The following ALDH5A1 variants were observed in gnomAD, a reference collection of about 807,000 sequenced individuals.
The protein encoded by ALDH5A1 is aldehyde dehydrogenase 5 family member A1.
In ALDH5A1, 33 loss-of-function variants were observed where a neutral mutation model predicts 54.7. That is an observed-to-expected ratio of 0.60 (90% CI 0.46 to 0.81). ALDH5A1 has a LOEUF of 0.81. Ranked by LOEUF, ALDH5A1 falls within the 30% of genes least tolerant of loss-of-function variation. ALDH5A1 has a pLI of 0.00. For missense variants in ALDH5A1, 657 were observed against 711.0 expected, an observed-to-expected ratio of 0.92 and a Z score of 0.86; for synonymous variants, 294 against 292.7, an observed-to-expected ratio of 1.00 and a Z score of -0.05.
chr6:24,503,244 C>T lies in ALDH5A1; in HGVS notation c.439-19C>T. 1 of 1,612,520 alleles carries T rather than the reference C, an allele frequency of 6.2e-7. No individual in the cohort carries two copies. Among genetic ancestry groups the T allele is most frequent in the African/African-American group, 1.3e-5 (1 of 75,048 alleles). On this transcript the variant is annotated intron_variant, in intron 2 of 9. Coordinates refer to ENST00000357578, the MANE Select transcript of ALDH5A1 (RefSeq NM_001080.3). ...ATTATTAGAAGGTAATACGTGGGTT[C>T]TTTTCTGATTTAATTTAGGGAAAGC...
At chr6:24,522,534 T>G in intron 6 of ALDH5A1, 1 of 427,650 alleles carries the variant, frequency 2.3e-6, no homozygotes, top group Non-Finnish European at 4.4e-6. Context: ...TAATCACTGA[T>G]GCATAGCAGC....
At chr6:24,529,907 A>C (rs1759896169) in intron 8 of ALDH5A1, among the ~76,000 whole-genome samples, 2 of 152,044 alleles carry the variant, frequency 1.3e-5, no homozygotes, top group African/African-American at 4.8e-5. Flanking sequence ...CCTGACCTCA[A>C]GTGATCCACC....
intron 4 of ALDH5A1, among the ~76,000 whole-genome samples, chr6:24,510,198 TA>T (rs1173480442): frequency 2.0e-5 from 3 of 152,176 alleles, no homozygotes; most frequent in African/African-American, 7.2e-5. Flanking sequence ...TTCTTAAATT[TA>T]TTGAGGCTCA....
intron 1 of ALDH5A1, among the ~76,000 whole-genome samples, chr6:24,499,080 G>A (rs1223680575): frequency 3.4e-5 from 5 of 146,808 alleles, no homozygotes; most frequent in Non-Finnish European, 7.5e-5. Context: ...CCAGCCTGGT[G>A]GACAGAGCAA....
intron 1 of ALDH5A1, among the ~76,000 whole-genome samples, 192 bp from the exon 2 acceptor site, chr6:24,502,331 T>A (rs993991069): frequency 3.3e-5 from 5 of 152,138 alleles, no homozygotes; most frequent in African/African-American, 9.7e-5. Context: ...CCGAAAACAC[T>A]CACGGACATA....
chr6:24,525,776 G>A lies in ALDH5A1; in HGVS notation c.1174-2221G>A, dbSNP rs114740102. ...AGAGGAAATTGGTGCCATTTTAAAC[G>A]ACAGAGCCTTTCTAGAATTGGTGGC... On this transcript the variant is annotated intron_variant, in intron 7 of 9. Transcript: ENST00000357578. Among the ~76,000 whole-genome samples the A allele has an allele frequency of 8.6e-3, 1,308 of 152,134 alleles. 15 individuals carry two copies. The highest frequency in any genetic ancestry group is 0.029 in the African/African-American group (1,201 of 41,496).
In ALDH5A1 at chr6:24,518,660, A is replaced by G. The variant is rs575299848; in HGVS notation, c.871-1741A>G. On this transcript the variant is annotated intron_variant, in intron 5 of 9. Transcript: ENST00000357578. The surrounding 1 kb of genome is among the most constrained non-coding windows in gnomAD (Gnocchi z 4.2). Reference sequence around the variant, plus strand: ...ACTTGAACTACTTTGTTGAACAGTAATGTTTCAGAGAAGATTGTTACTACC... The same window carrying G: ...ACTTGAACTACTTTGTTGAACAGTAGTGTTTCAGAGAAGATTGTTACTACC... 5.4e-4 allele frequency among the ~76,000 whole-genome samples: 82 copies of G among 152,352 alleles called. No individual in the cohort carries two copies. Among genetic ancestry groups the G allele is most frequent in the African/African-American group, 1.9e-3 (80 of 41,588 alleles).
At chr6:24,519,087 G>C (rs1293701092) in intron 5 of ALDH5A1, among the ~76,000 whole-genome samples, 1 of 151,968 alleles carries the variant, frequency 6.6e-6, no homozygotes, top group Non-Finnish European at 1.5e-5. Flanking sequence ...CAGTGTTTTT[G>C]TCTTTTGTTT....
In ALDH5A1 at chr6:24,495,028, G is replaced by C; in HGVS notation, c.32G>C (p.Gly11Ala). Reference sequence around the variant, plus strand: ...ACCTGCATTTGGCTGCGGAGCTGTGGGGCCCGGCGCCTCGGGTCGACGTTT... The same window carrying C: ...ACCTGCATTTGGCTGCGGAGCTGTGCGGCCCGGCGCCTCGGGTCGACGTTT... MATCIWLRSC[G>A]ARRLGSTFPG... The change falls in exon 1 of 10, where the codon GGG becomes GCG. Residue 11 changes from glycine (G) to alanine (A), a missense_variant. Physicochemically the swap from Gly to Ala is moderately conservative, Grantham distance 60 (BLOSUM62 0). Coordinates refer to ENST00000357578, the MANE Select transcript of ALDH5A1 (RefSeq NM_001080.3). 7.4e-7 allele frequency: 1 copy of C among 1,345,784 alleles called. No individual in the cohort carries two copies. The highest frequency in any genetic ancestry group is 2.3e-5 in the South Asian group (1 of 43,730). 83.4% of individuals were successfully genotyped at this position (1,345,784 alleles called of 1,614,324 possible). A position where few individuals can be genotyped will look rare whatever the true frequency, so the allele number is the denominator to read the frequency against.
intron 1 of ALDH5A1, among the ~76,000 whole-genome samples, chr6:24,501,875 TTATATA>T (rs59853869): frequency 0.032 from 4,659 of 144,392 alleles, 123 homozygotes; most frequent in South Asian, 0.12. Context: ...AACCAATGTT[TTATATA>T]TATATATATA....
In ALDH5A1 at chr6:24,522,803, G is replaced by C; in HGVS notation, c.1051G>C (p.Gly351Arg). 1 of 1,614,072 alleles carries C rather than the reference G, an allele frequency of 6.2e-7. No homozygotes were observed. The highest frequency in any genetic ancestry group is 8.5e-7 in the Non-Finnish European group (1 of 1,180,004). The change falls in exon 7 of 10, where the codon GGC becomes CGC. Residue 351 changes from glycine (G) to arginine (R), a missense_variant. Physicochemically the swap from Gly to Arg is moderately radical, Grantham distance 125 (BLOSUM62 -2). Around this residue, in one of 2 missense-constraint regions of ALDH5A1, gnomAD observed 425 missense variants for 516.4 expected, o/e 0.82. Coordinates refer to ENST00000357578, the MANE Select transcript of ALDH5A1 (RefSeq NM_001080.3). ...CTCAAACCAATTCTTGGTGCAAAGGGGCATCCATGATGCCTTTGTAAAAGC... is the reference window on the plus strand; with the variant it reads ...CTCAAACCAATTCTTGGTGCAAAGGCGCATCCATGATGCCTTTGTAAAAGC... ...VCSNQFLVQR[G>R]IHDAFVKAFA...
intron 1 of ALDH5A1, among the ~76,000 whole-genome samples, chr6:24,500,796 A>AT (rs1325212844): frequency 1.3e-5 from 2 of 152,138 alleles, no homozygotes; most frequent in African/African-American, 2.4e-5. Flanking sequence ...ATGACGCAGT[A>AT]TACCTCTTTA....
chr6:24,523,726 C>T (rs1258605031), intron 7 of ALDH5A1, among the ~76,000 whole-genome samples: 1 of 152,180 alleles, frequency 6.6e-6, no homozygotes, highest in African/African-American at 2.4e-5. Flanking sequence ...GTTCTTTCTT[C>T]TCTTGATGAC....
intron 8 of ALDH5A1, among the ~76,000 whole-genome samples, chr6:24,530,954 C>T (rs1028655380): frequency 4.6e-5 from 7 of 152,222 alleles, no homozygotes; most frequent in Admixed American, 1.3e-4. Flanking sequence ...CTCGCTCTCA[C>T]GTGAGGCCAT....
intron 8 of ALDH5A1, among the ~76,000 whole-genome samples, chr6:24,530,887 G>C (rs1759925085): frequency 6.6e-6 from 1 of 152,238 alleles, no homozygotes; most frequent in South Asian, 2.1e-4. Context: ...CACAGGCGTG[G>C]TAGGAGACGT....
intron 1 of ALDH5A1, among the ~76,000 whole-genome samples, chr6:24,497,694 G>A (rs764912992): frequency 7.2e-5 from 11 of 152,176 alleles, no homozygotes; most frequent in East Asian, 3.8e-4. Flanking sequence ...AAGGAGGCCC[G>A]TGTGGACTGA....
Position 24,520,411 on chromosome 6 carries a change from A to C in ALDH5A1, c.881A>C (p.His294Pro), listed in dbSNP as rs771163119. 5.6e-6 allele frequency: 9 copies of C among 1,614,092 alleles called. No homozygotes were observed. Among genetic ancestry groups the C allele is most frequent in the Non-Finnish European group, 7.6e-6 (9 of 1,180,012 alleles). Reference protein sequence around the residue: ...GSTTTGKILLHHAANSVKRVS... With the variant: ...GSTTTGKILLPHAANSVKRVS... ...CTCCTCTGCTCACAGATCCTGTTGCACCACGCAGCAAACTCTGTGAAAAGG... is the reference window on the plus strand; with the variant it reads ...CTCCTCTGCTCACAGATCCTGTTGCCCCACGCAGCAAACTCTGTGAAAAGG... The change falls in exon 6 of 10, where the codon CAC becomes CCC. Residue 294 changes from histidine (H) to proline (P), a missense_variant. His to Pro is a moderately conservative substitution (Grantham distance 77, BLOSUM62 -2). Around this residue, in one of 2 missense-constraint regions of ALDH5A1, gnomAD observed 425 missense variants for 516.4 expected, o/e 0.82. Coordinates refer to ENST00000357578, the MANE Select transcript of ALDH5A1 (RefSeq NM_001080.3).
intron 1 of ALDH5A1, among the ~76,000 whole-genome samples, chr6:24,502,055 C>T (rs1367082212): frequency 1.3e-5 from 2 of 152,014 alleles, no homozygotes; most frequent in African/African-American, 4.8e-5. Flanking sequence ...GTCCCACCCT[C>T]TGCTGTCTGC....
intron 7 of ALDH5A1, among the ~76,000 whole-genome samples, chr6:24,526,616 T>C (rs1019383334): frequency 1.3e-5 from 2 of 150,990 alleles, no homozygotes. Context: ...GCAAAAAATA[T>C]AATAGAAATG....
Sources: gnomAD v4.1 joint callset for allele counts (sites outside exome capture counted in the v4.1 genomes callset) on GRCh38, gnomAD v4.1.1 for gene constraint, gnomAD v4.1.1 regional missense constraint, Gnocchi (gnomAD v3.1) non-coding constraint, MANE v1.5 for transcripts, NCBI Gene and HGNC (gene_info 2026-07-23, HGNC 2026-07-21) for gene names.